Variants in PTPRS observed in about 807,000 individuals in gnomAD.
The protein encoded by PTPRS is protein tyrosine phosphatase receptor type S.
A neutral mutation model predicts 215.3 loss-of-function variants in PTPRS; 63 were observed. The observed-to-expected ratio is 0.29, with a 90% CI of 0.24 to 0.36. The LOEUF is 0.36. Among genes scored for constraint, PTPRS ranks in the 10% least tolerant of loss-of-function variants. PTPRS has a pLI of 1.00. For missense variants in PTPRS, 2,258 were observed against 2,825.8 expected, an observed-to-expected ratio of 0.80 and a Z score of 4.56; for synonymous variants, 1,404 against 1,191.4, an observed-to-expected ratio of 1.18 and a Z score of -3.68.
intron 1 of PTPRS, among the ~76,000 whole-genome samples, chr19:5,308,738 A>G (rs4807022): frequency 0.18 from 27,600 of 152,018 alleles, 2,747 homozygotes; most frequent in Admixed American, 0.29. Flanking sequence ...GAGATTATAT[A>G]TTCATCAGAA....
At chr19:5,211,051 C>T (rs545145451) in intron 33 of PTPRS, among the ~76,000 whole-genome samples, 2 of 152,364 alleles carry the variant, frequency 1.3e-5, no homozygotes, top group African/African-American at 4.8e-5. Flanking sequence ...CCACTAACCT[C>T]TCCTGATTTC....
chr19:5,300,562 G>A (rs1289434715), intron 1 of PTPRS, among the ~76,000 whole-genome samples: 1 of 151,936 alleles, frequency 6.6e-6, no homozygotes, highest in East Asian at 1.9e-4. Flanking sequence ...CTTGAGCCTG[G>A]GTTTTTGAGA....
At chr19:5,246,109 G>A in intron 9 of PTPRS, 64 bp from the exon 10 acceptor site, 1 of 1,020,798 alleles carries the variant, frequency 9.8e-7, no homozygotes, top group South Asian at 2.5e-5. Context: ...GTGAGGTTGG[G>A]AGGGGAAGAC....
intron 20 of PTPRS, 110 bp downstream of exon 20, chr19:5,220,888 CTG>C: frequency 2.3e-6 from 3 of 1,282,572 alleles, no homozygotes; most frequent in South Asian, 1.4e-5. Context: ...CTGATAGGGT[CTG>C]TGTTTCATAG....
intron 17 of PTPRS, among the ~76,000 whole-genome samples, chr19:5,224,175 T>C (rs1418635569): frequency 8.3e-5 from 3 of 36,120 alleles, no homozygotes; most frequent in African/African-American, 5.3e-4. Context: ...CAAGACTCCG[T>C]CTTAAAAATA....
At chr19:5,324,400 G>A (rs565353862) in intron 1 of PTPRS, among the ~76,000 whole-genome samples, 10 of 152,260 alleles carry the variant, frequency 6.6e-5, no homozygotes, top group Non-Finnish European at 1.2e-4. Flanking sequence ...CCCCTGGCAG[G>A]ACCCAGGAGA....
chr19:5,210,777 C>T lies in PTPRS; in HGVS notation c.5263G>A (p.Gly1755Arg), dbSNP rs1568363133. ...RQQKAYIATQ[G>R]PLAETTEDFW... ...TCTTCCGTGGTCTCCGCCAGCGGCC[C>T]CTGTGTCGCGATGTAGGCCTTCTGC... The change falls in exon 34 of 38, where the codon GGG becomes AGG. Residue 1755 changes from glycine to arginine, a missense_variant. Gly to Arg is a moderately radical substitution (Grantham distance 125). This residue lies in a region of PTPRS where 927 missense variants were observed against 1,125.9 expected (regional missense o/e 0.82). Transcript: ENST00000262963. This position sits in a 1 kb window ranked among gnomAD's most constrained non-coding sequence, Gnocchi z 4.5. 2.0e-5 allele frequency: 32 copies of T among 1,614,050 alleles called. No individual in the cohort carries two copies. The highest frequency in any genetic ancestry group is 2.5e-5 in the Non-Finnish European group (30 of 1,180,040).
chr19:5,249,009 GA>G (rs1188730094), intron 9 of PTPRS, among the ~76,000 whole-genome samples: 2 of 152,206 alleles, frequency 1.3e-5, no homozygotes, highest in Non-Finnish European at 2.9e-5. Context: ...GTTCAGGGAT[GA>G]ATTATAAAAA....
intron 1 of PTPRS, among the ~76,000 whole-genome samples, chr19:5,296,085 T>A (rs1206136554): frequency 6.6e-6 from 1 of 152,150 alleles, no homozygotes; most frequent in Non-Finnish European, 1.5e-5. Flanking sequence ...TAAACAAACA[T>A]TTCCAAGCCC....
At position 5,287,841 on chromosome 19, in the gene PTPRS, C is replaced by G. The variant is rs1045068313; in HGVS notation, c.-94-1607G>C. On this transcript the variant is annotated intron_variant, in intron 1 of 37. Transcript: ENST00000262963. The surrounding 1 kb of genome is among the most constrained non-coding windows in gnomAD (Gnocchi z 4.8). ...GATGCCTGCTAAATCACGCCACAGA[C>G]ATACACAGATGCACACAGTCAAACC... Among the ~76,000 whole-genome samples, 1 of 152,106 alleles carries G rather than the reference C, an allele frequency of 6.6e-6. No homozygotes were observed. Among genetic ancestry groups the G allele is most frequent in the African/African-American group, 2.4e-5 (1 of 41,430 alleles).
At chr19:5,329,845 G>T (rs1568621432) in intron 1 of PTPRS, among the ~76,000 whole-genome samples, 1 of 152,032 alleles carries the variant, frequency 6.6e-6, no homozygotes, top group South Asian at 2.1e-4. Flanking sequence ...GAGAGGCCGA[G>T]GTGTGTGGAT....
chr19:5,322,531 A>G (rs2050052798), intron 1 of PTPRS, among the ~76,000 whole-genome samples: 1 of 152,092 alleles, frequency 6.6e-6, no homozygotes, highest in African/African-American at 2.4e-5. Flanking sequence ...GGGGTGGTTA[A>G]AAGCAAGAAC....
intron 1 of PTPRS, among the ~76,000 whole-genome samples, chr19:5,329,922 C>A (rs980653835): frequency 6.6e-6 from 1 of 151,744 alleles, no homozygotes; most frequent in African/African-American, 2.4e-5. Context: ...ACCAAAAATA[C>A]AAAAACTAGC....
chr19:5,221,186 T>C lies in PTPRS; in HGVS notation c.3269A>G (p.Lys1090Arg), dbSNP rs2041946299. 1.9e-6 allele frequency: 3 copies of C among 1,613,874 alleles called. No individual in the cohort carries two copies. The highest frequency in any genetic ancestry group is 2.5e-6 in the Non-Finnish European group (3 of 1,179,958). ...CACAAAGTTGTAGAAGGTGTGGGGCTTGAGGTGCGTGATGAGCTTCTTGGT... is the reference window on the plus strand; with the variant it reads ...CACAAAGTTGTAGAAGGTGTGGGGCCTGAGGTGCGTGATGAGCTTCTTGGT... ...RTTKKLITHL[K>R]PHTFYNFVLT... The change falls in exon 20 of 38, where the codon AAG becomes AGG. Residue 1090 changes from lysine (K) to arginine (R), a missense_variant. Lys to Arg is a conservative substitution (Grantham distance 26). Transcript: ENST00000262963.
At chr19:5,336,911 C>G (rs898915973) in intron 1 of PTPRS, among the ~76,000 whole-genome samples, 3 of 152,194 alleles carry the variant, frequency 2.0e-5, no homozygotes, top group Admixed American at 1.3e-4. Flanking sequence ...GAGAAGGGTT[C>G]TCATCCTCCT....
At chr19:5,276,133 C>G (rs1237998302) in intron 2 of PTPRS, among the ~76,000 whole-genome samples, 1 of 152,222 alleles carries the variant, frequency 6.6e-6, no homozygotes, top group Non-Finnish European at 1.5e-5. Context: ...TTGAACCAGC[C>G]TGGCTTTCAC....
At chr19:5,284,376 AAAAT>A (rs367661299) in intron 2 of PTPRS, among the ~76,000 whole-genome samples, 18,103 of 119,376 alleles carry the variant, frequency 0.15, 1,322 homozygotes, top group Middle Eastern at 0.21. Flanking sequence ...TTAATTAATT[AAAAT>A]AAATAAATAA....
rs2044334795 is a variant in PTPRS at position 5,244,892 on chromosome 19, T to G, written c.989-410A>C. On this transcript the variant is annotated intron_variant, in intron 10 of 37. Coordinates refer to ENST00000262963, the MANE Select transcript of PTPRS (RefSeq NM_002850.4). This position sits in a 1 kb window ranked among gnomAD's most constrained non-coding sequence, Gnocchi z 7.2. Reference sequence around the variant, plus strand: ...ACTGTGTTAGCCAGGATGGTCTCGATCTCCTGACCTCGTGATCCGCCCGCC... The same window carrying G: ...ACTGTGTTAGCCAGGATGGTCTCGAGCTCCTGACCTCGTGATCCGCCCGCC... Among the ~76,000 whole-genome samples, 1 of 151,806 alleles carries G rather than the reference T, an allele frequency of 6.6e-6. No homozygotes were observed. Among genetic ancestry groups the G allele is most frequent in the Admixed American group, 6.6e-5 (1 of 15,232 alleles).
chr19:5,262,794 C>T (rs1276422550), intron 6 of PTPRS, among the ~76,000 whole-genome samples, 170 bp downstream of exon 6: 6 of 151,934 alleles, frequency 3.9e-5, no homozygotes. Context: ...CTGGGGAGGG[C>T]TGAGGGGCCG....
Sources: allele counts gnomAD v4.1 joint callset (sites outside exome capture counted in the v4.1 genomes callset), GRCh38; gene constraint gnomAD v4.1.1; regional missense constraint gnomAD v4.1.1; non-coding constraint Gnocchi (gnomAD v3.1); transcripts MANE v1.5; gene names NCBI Gene and HGNC (gene_info 2026-07-23, HGNC 2026-07-21).